Variants in PRKACB observed in about 807,000 individuals in gnomAD.
PRKACB encodes cAMP-dependent protein kinase catalytic subunit beta.
PRKACB carries 16 observed loss-of-function variants against 51.4 expected under a neutral mutation model. The ratio of observed to expected loss-of-function variants is 0.31; its 90% CI spans 0.21 to 0.47. PRKACB has a LOEUF of 0.47. Among genes scored for constraint, PRKACB ranks in the 20% least tolerant of loss-of-function variants. The pLI is 1.00. For missense variants in PRKACB, 309 were observed against 464.5 expected (o/e 0.67, Z 3.08); for synonymous variants, 147 against 154.4 (o/e 0.95, Z 0.35).
In PRKACB at chr1:84,112,480, A is replaced by G. The variant is rs1180106794; in HGVS notation, c.46+34109A>G. ...TCGAACTCCTGACCACAAGTGATCC[A>G]CCTGCCTCGGCCTCCCAAAGTGCTA... is the stretch of plus-strand genomic sequence containing the variant. On this transcript the variant is annotated intron_variant, in intron 1 of 8. Transcript: ENST00000370688. 3.3e-5 allele frequency among the ~76,000 whole-genome samples: 5 copies of G among 152,002 alleles called. No homozygotes were observed. In the East Asian group the frequency reaches 9.7e-4, roughly 29 times the overall value.
chr1:84,220,296 T>A (rs955037428), intron 9 of PRKACB, among the ~76,000 whole-genome samples: 4 of 152,178 alleles, frequency 2.6e-5, no homozygotes, highest in African/African-American at 9.7e-5. Flanking sequence ...TGATTTTTTA[T>A]GTTCATTTTG....
At chr1:84,183,256 A>G (rs1255368308) in intron 3 of PRKACB, among the ~76,000 whole-genome samples, 1 of 151,992 alleles carries the variant, frequency 6.6e-6, no homozygotes, top group Non-Finnish European at 1.5e-5. Flanking sequence ...CTTAAATTCA[A>G]AATAGAATCA....
rs1654786939 is a variant in PRKACB at position 84,150,955 on chromosome 1, C to A, written c.187+6407C>A. On this transcript the variant is annotated intron_variant, in intron 1 of 9. Transcript: ENST00000370685. ...TCCCCCTCAGCTTTATTAAGGTATA[C>A]TTGACAAATAAAATTGCGTATATTT... Among the ~76,000 whole-genome samples, 3 of 152,114 alleles carry A rather than the reference C, an allele frequency of 2.0e-5. No homozygotes were observed. In the South Asian group the frequency reaches 6.2e-4, roughly 31 times the overall value.
At chr1:84,168,497 G>C (rs1005511832) in intron 1 of PRKACB, among the ~76,000 whole-genome samples, 12 of 151,448 alleles carry the variant, frequency 7.9e-5, no homozygotes, top group Non-Finnish European at 1.3e-4. Flanking sequence ...GCATGAATCT[G>C]CTATGAATTA....
rs1474273038 is a variant in PRKACB, at chr1:84,229,899, G to A, written c.1072-5281G>A. 2.8e-4 allele frequency among the ~76,000 whole-genome samples: 42 copies of A among 152,104 alleles called. 1 individual carries two copies. The East Asian group carries it at 5.8e-3, about 21-fold the overall frequency. On this transcript the variant is annotated intron_variant, in intron 9 of 9. Coordinates refer to ENST00000370685, the MANE Select transcript of PRKACB (RefSeq NM_182948.4). ...TTGTAGGTTGCCTGTTCACTCTGATGGTAGTTTCTTTTGATGTGCAGAAGC... is the reference window on the plus strand; with the variant it reads ...TTGTAGGTTGCCTGTTCACTCTGATAGTAGTTTCTTTTGATGTGCAGAAGC...
At chr1:84,169,588 A>C (rs2100793796) in intron 1 of PRKACB, among the ~76,000 whole-genome samples, 1 of 151,804 alleles carries the variant, frequency 6.6e-6, no homozygotes, top group African/African-American at 2.4e-5. Context: ...AAGTATGTTA[A>C]ATAAAAGCAG....
intron 9 of PRKACB, among the ~76,000 whole-genome samples, chr1:84,222,562 C>A (rs1673898850): frequency 6.6e-6 from 1 of 151,914 alleles, no homozygotes; most frequent in Admixed American, 6.6e-5. Flanking sequence ...ATATTTGAGT[C>A]CTTTCTCTTT....
intron 5 of PRKACB, among the ~76,000 whole-genome samples, chr1:84,191,635 C>T (rs989258227): frequency 3.3e-5 from 5 of 151,820 alleles, no homozygotes; most frequent in African/African-American, 4.8e-5. Flanking sequence ...GTTGAGTGTA[C>T]GTGGACATAA....
At chr1:84,154,028 G>A (rs1655156189) in intron 1 of PRKACB, among the ~76,000 whole-genome samples, 1 of 152,042 alleles carries the variant, frequency 6.6e-6, no homozygotes, top group African/African-American at 2.4e-5. Flanking sequence ...CTTAACCAGT[G>A]CTTGTTATCT....
chr1:84,111,509 A>G (rs1650226786), intron 1 of PRKACB, among the ~76,000 whole-genome samples: 1 of 152,224 alleles, frequency 6.6e-6, no homozygotes, highest in East Asian at 1.9e-4. Flanking sequence ...TACTGTACAT[A>G]ATCCTTCCAT....
chr1:84,089,477 A>G (rs1038070737), intron 1 of PRKACB, among the ~76,000 whole-genome samples: 2 of 152,162 alleles, frequency 1.3e-5, no homozygotes, highest in African/African-American at 4.8e-5. Flanking sequence ...AAAATTTGTT[A>G]TTCAAGGCAT....
At chr1:84,200,092 C>A (rs1393994996) in intron 7 of PRKACB, among the ~76,000 whole-genome samples, 1 of 151,990 alleles carries the variant, frequency 6.6e-6, no homozygotes, top group Non-Finnish European at 1.5e-5. Context: ...AGTGGTGCAC[C>A]CTCCTTGGCC....
chr1:84,235,090 T>G, intron 9 of PRKACB, 90 bp from the exon 10 acceptor site: 1 of 1,380,054 alleles, frequency 7.2e-7, no homozygotes, highest in Non-Finnish European at 9.9e-7. Context: ...CACCGTGTAA[T>G]AACAGTGGGA....
chr1:84,194,380 T>C (rs1558213466), intron 5 of PRKACB, among the ~76,000 whole-genome samples: 1 of 152,232 alleles, frequency 6.6e-6, no homozygotes, highest in Non-Finnish European at 1.5e-5. Context: ...TCACAAGTAC[T>C]ACATATACAC....
At chr1:84,154,932 G>A (rs759852089) in intron 1 of PRKACB, among the ~76,000 whole-genome samples, 14 of 151,982 alleles carry the variant, frequency 9.2e-5, no homozygotes, top group African/African-American at 1.9e-4. Flanking sequence ...TCTTAATAGC[G>A]GTGAAAAGAT....
chr1:84,107,685 G>C (rs1447326880), intron 1 of PRKACB, among the ~76,000 whole-genome samples: 3 of 151,988 alleles, frequency 2.0e-5, no homozygotes, highest in Admixed American at 6.6e-5. Context: ...ATGGACATGA[G>C]CAGACACTTT....
chr1:84,228,027 A>T (rs1674926785), intron 9 of PRKACB, among the ~76,000 whole-genome samples: 1 of 152,200 alleles, frequency 6.6e-6, no homozygotes, highest in South Asian at 2.1e-4. Context: ...GGCTGGCTAG[A>T]CGTGAAGCAA....
In PRKACB at chr1:84,226,425, T is replaced by G. The variant is rs146510553; in HGVS notation, c.1072-8755T>G. ...ATATCTTTCGTCATTCAGTAAAGTT[T>G]TAGAGAACCCCCCTTCCTCCATATA... On this transcript the variant is annotated intron_variant, in intron 9 of 9. Transcript: ENST00000370685. 2.8e-3 allele frequency among the ~76,000 whole-genome samples: 427 copies of G among 152,278 alleles called. 2 individuals carry two copies. Among genetic ancestry groups the G allele is most frequent in the Non-Finnish European group, 4.7e-3 (323 of 68,012 alleles).
rs905431655 is a variant in PRKACB at position 84,238,162 on chromosome 1, A to T, written c.*2857A>T. 6.6e-6 allele frequency: 1 copy of T among 152,208 alleles called. No individual in the cohort carries two copies. The highest frequency in any genetic ancestry group is 2.4e-5 in the African/African-American group (1 of 41,362). The allele number at this position is 152,208 out of a possible 1,614,324, so 9.4% of individuals were successfully genotyped here. On this transcript the variant is annotated 3_prime_UTR_variant, in exon 10 of 10. Coordinates refer to ENST00000370685, the MANE Select transcript of PRKACB (RefSeq NM_182948.4). ...AAACTGTCAACCTACCAAAAACGAT[A>T]TTGTGGCTTATGGGTATTGCTGTCT... is the stretch of plus-strand genomic sequence containing the variant.
Sources: allele counts gnomAD v4.1 joint callset (sites outside exome capture counted in the v4.1 genomes callset), GRCh38; gene constraint gnomAD v4.1.1; transcripts MANE v1.5; gene names NCBI Gene and HGNC (gene_info 2026-07-23, HGNC 2026-07-21).